Variants in ENPEP observed in about 807,000 individuals in gnomAD.
ENPEP encodes glutamyl aminopeptidase.
Under a neutral mutation model 114.5 loss-of-function variants are expected in ENPEP, and 103 were observed. That is an observed-to-expected ratio of 0.90 (90% CI 0.77 to 1.06). ENPEP has a LOEUF of 1.06. ENPEP is among the 50% of genes least tolerant of loss of function. ENPEP has a pLI of 0.00. For missense variants in ENPEP, 1,196 were observed against 1,161.3 expected, an observed-to-expected ratio of 1.03 and a Z score of -0.43; for synonymous variants, 420 against 422.0, an observed-to-expected ratio of 1.00 and a Z score of 0.06.
intron 7 of ENPEP, among the ~76,000 whole-genome samples, chr4:110,514,215 G>T (rs968699874): frequency 6.6e-6 from 1 of 151,828 alleles, no homozygotes; most frequent in African/African-American, 2.4e-5. Flanking sequence ...GCTTCTCATG[G>T]GTTTCCCACT....
chr4:110,510,621 A>C (rs1725539458), intron 6 of ENPEP, among the ~76,000 whole-genome samples: 1 of 152,132 alleles, frequency 6.6e-6, no homozygotes, highest in Non-Finnish European at 1.5e-5. Context: ...AAAAAAAAAA[A>C]AAAAACAGGT....
At chr4:110,518,029 G>A (rs1725847227) in intron 8 of ENPEP, among the ~76,000 whole-genome samples, 1 of 152,126 alleles carries the variant, frequency 6.6e-6, no homozygotes, top group Admixed American at 6.5e-5. Flanking sequence ...CTAACTTTCT[G>A]CCCAAAGTGA....
At chr4:110,516,568 C>T (rs1484648619) in intron 8 of ENPEP, among the ~76,000 whole-genome samples, 1 of 152,060 alleles carries the variant, frequency 6.6e-6, no homozygotes, top group Non-Finnish European at 1.5e-5. Flanking sequence ...CTGCTGGCTG[C>T]CACAGAAAGT....
At chr4:110,551,148 A>T (rs1006934206) in intron 17 of ENPEP, among the ~76,000 whole-genome samples, 1 of 151,828 alleles carries the variant, frequency 6.6e-6, no homozygotes, top group African/African-American at 2.4e-5. Flanking sequence ...AAACATCACT[A>T]ATTCATTACT....
intron 11 of ENPEP, among the ~76,000 whole-genome samples, chr4:110,538,489 T>C (rs1726727962): frequency 6.6e-6 from 1 of 152,204 alleles, no homozygotes; most frequent in South Asian, 2.1e-4. Context: ...GATTAGGCTT[T>C]GGATTAAGGG....
At chr4:110,520,753 GGTTCTAGGTACA>G (rs1445826066) in intron 10 of ENPEP, among the ~76,000 whole-genome samples, 1 of 152,152 alleles carries the variant, frequency 6.6e-6, no homozygotes, top group East Asian at 1.9e-4. Flanking sequence ...TCCCTAGACA[GGTTCTAGGTACA>G]GTGTTAGCAT....
chr4:110,559,926 A>G (rs914554255), intron 19 of ENPEP, among the ~76,000 whole-genome samples: 3 of 152,068 alleles, frequency 2.0e-5, no homozygotes, highest in Non-Finnish European at 4.4e-5. Context: ...TATTTGTCCT[A>G]ATGCTCTCCC....
Position 110,510,159 on chromosome 4 carries a change from C to T in ENPEP, c.1195-86C>T, listed in dbSNP as rs138849710. 3,956 of 1,115,302 alleles carry T rather than the reference C, an allele frequency of 3.5e-3. 13 individuals carry two copies. Among genetic ancestry groups the T allele is most frequent in the African/African-American group, 7.2e-3 (469 of 64,710 alleles). 69.1% of individuals were successfully genotyped at this position (1,115,302 alleles called of 1,614,324 possible). A position where few individuals can be genotyped will look rare whatever the true frequency, so the allele number is the denominator to read the frequency against. ...TTCTGTCACAGTGACAACATTGGCA[C>T]GGACAAATAAATGTTTTGACATTTT... On this transcript the variant is annotated intron_variant, in intron 5 of 19. Coordinates refer to ENST00000265162, the MANE Select transcript of ENPEP (RefSeq NM_001977.4).
At chr4:110,511,210 C>T (rs1381175711) in intron 6 of ENPEP, among the ~76,000 whole-genome samples, 7 of 152,294 alleles carry the variant, frequency 4.6e-5, no homozygotes, top group Non-Finnish European at 8.8e-5. Context: ...GCCTGCTTTA[C>T]AAAGCGAAAA....
chr4:110,527,963 C>G (rs1726261373), intron 10 of ENPEP, among the ~76,000 whole-genome samples: 1 of 151,984 alleles, frequency 6.6e-6, no homozygotes, highest in Non-Finnish European at 1.5e-5. Context: ...TCACACAAAC[C>G]AAACAATTTT....
At chr4:110,515,585 C>G (rs3733596) in intron 8 of ENPEP, 143 bp downstream of exon 8, 483,554 of 680,450 alleles carry the variant, frequency 0.71, 173,500 homozygotes, top group Non-Finnish European at 0.75. Context: ...AAGATAAAAA[C>G]ATGATTTTAC....
intron 11 of ENPEP, among the ~76,000 whole-genome samples, chr4:110,538,870 AAGAGAG>A (rs897484349): frequency 6.7e-6 from 1 of 150,250 alleles, no homozygotes; most frequent in Non-Finnish European, 1.5e-5. Flanking sequence ...AGGAGAGAGA[AAGAGAG>A]AGAGAGAGAG....
Position 110,563,138 on chromosome 4 carries a change from A to G in ENPEP, c.*1580A>G, listed in dbSNP as rs1464874940. The stretch of plus-strand genomic sequence containing the variant: ...ATATTAACATCATAACTTACCAGAA[A>G]AACCCCACTATCCTCATAAGATTAA... On this transcript the variant is annotated 3_prime_UTR_variant, in exon 20 of 20. Coordinates refer to ENST00000265162, the MANE Select transcript of ENPEP (RefSeq NM_001977.4). The G allele has an allele frequency of 6.6e-6, 1 of 152,148 alleles. No homozygotes were observed. The highest frequency in any genetic ancestry group is 1.5e-5 in the Non-Finnish European group (1 of 67,998). The allele number at this position is 152,148 out of a possible 1,614,324, so 9.4% of individuals were successfully genotyped here.
In ENPEP at chr4:110,536,887, C is replaced by T. The variant is rs533403871; in HGVS notation, c.1807+5610C>T. Among the ~76,000 whole-genome samples the T allele has an allele frequency of 1.6e-3, 245 of 152,228 alleles. 1 individual carries two copies. The highest frequency in any genetic ancestry group is 4.9e-3 in the African/African-American group (203 of 41,544). Reference sequence around the variant, plus strand: ...ATACTGCAGTTTTGGTGCCAAGCCACGCAATAAAGCAAATATCACAATTAA... The same window carrying T: ...ATACTGCAGTTTTGGTGCCAAGCCATGCAATAAAGCAAATATCACAATTAA... On this transcript the variant is annotated intron_variant, in intron 11 of 19. Transcript: ENST00000265162.
Position 110,542,763 on chromosome 4 carries a change from ACTC to A in ENPEP, c.1824_1826del (p.Ser609del), listed in dbSNP as rs1726897327. ...TTTACTACTACAGGAATCACTTTGAACTCCTCTAATCCTAGTGGAAATGCTTTT... is the reference window on the plus strand; with the variant it reads ...TTTACTACTACAGGAATCACTTTGAACTCTAATCCTAGTGGAAATGCTTTT... On this transcript the variant is annotated inframe_deletion, in exon 12 of 20. Transcript: ENST00000265162. 1 of 1,611,366 alleles carries A rather than the reference ACTC, an allele frequency of 6.2e-7. No homozygotes were observed. The highest frequency in any genetic ancestry group is 8.5e-7 in the Non-Finnish European group (1 of 1,178,404).
Position 110,476,208 on chromosome 4 carries a change from C to G in ENPEP, c.-207C>G, listed in dbSNP as rs1315672350. 3.3e-5 allele frequency: 19 copies of G among 569,818 alleles called. No homozygotes were observed. Among genetic ancestry groups the G allele is most frequent in the South Asian group, 9.6e-5 (3 of 31,204 alleles). 35.3% of individuals were successfully genotyped at this position (569,818 alleles called of 1,614,324 possible). On this transcript the variant is annotated 5_prime_UTR_variant, in exon 1 of 20. Coordinates refer to ENST00000265162, the MANE Select transcript of ENPEP (RefSeq NM_001977.4). ...TCTTACGGAGTCCTCATTCCACCCC[C>G]CTTGTTTCCGCATTCATCCTGAGTG...
chr4:110,532,730 G>A (rs1007382106), intron 11 of ENPEP, among the ~76,000 whole-genome samples: 1 of 152,004 alleles, frequency 6.6e-6, no homozygotes, highest in Admixed American at 6.6e-5. Context: ...CTTCTGCACA[G>A]GGATTGCTAT....
intron 6 of ENPEP, among the ~76,000 whole-genome samples, chr4:110,511,313 C>CT (rs912576676): frequency 4.0e-5 from 6 of 151,846 alleles, no homozygotes; most frequent in African/African-American, 9.7e-5. Flanking sequence ...GTAGATAATT[C>CT]TTTTTTTGTG....
intron 3 of ENPEP, among the ~76,000 whole-genome samples, chr4:110,496,664 C>A (rs1724950580): frequency 6.6e-6 from 1 of 151,996 alleles, no homozygotes; most frequent in Non-Finnish European, 1.5e-5. Flanking sequence ...TTTTATGATC[C>A]TGACACTTTT....
Sources: gnomAD v4.1 joint callset for allele counts (sites outside exome capture counted in the v4.1 genomes callset) on GRCh38, gnomAD v4.1.1 for gene constraint, MANE v1.5 for transcripts, NCBI Gene and HGNC (gene_info 2026-07-23, HGNC 2026-07-21) for gene names.